The following RAI2 variants were observed in gnomAD, a reference collection of about 807,000 sequenced individuals.
RAI2 encodes the protein retinoic acid induced 2, also known as retinoic acid-induced protein 2.
Under a neutral mutation model 15.3 loss-of-function variants are expected in RAI2, and 5 were observed. The observed-to-expected ratio is 0.33, with a 90% confidence interval of 0.17 to 0.69. The LOEUF (loss-of-function observed/expected upper bound fraction) is 0.69. Ranked by LOEUF, RAI2 falls within the 30% of genes least tolerant of loss-of-function variation. The pLI is 0.69. For synonymous variants in RAI2, 191 were observed against 184.0 expected (o/e 1.04, Z -0.31); for missense variants, 424 against 424.7 (o/e 1.00, Z 0.01).
chrX:17,860,749 C>T lies in RAI2; in HGVS notation c.-25+349G>A, dbSNP rs758774441. 15 of 110,260 alleles carry T rather than the reference C, an allele frequency of 1.4e-4. No homozygotes were observed. In the East Asian group the frequency reaches 4.4e-3, roughly 32 times the overall value. 9.1% of individuals were successfully genotyped at this position (110,260 alleles called of 1,213,427 possible). On this transcript the variant is annotated intron_variant, in intron 1 of 1. Transcript: ENST00000451717. ...CGTGCACCGCCCTCTGCGCCCGATG[C>T]CAGTGCGGGCGGCGGCCCGAAACCC... is the stretch of plus-strand genomic sequence containing the variant.
At chrX:17,859,635 T>C (rs2067662148) in intron 1 of RAI2, among the ~76,000 whole-genome samples, 1 of 112,627 alleles carries the variant, frequency 8.9e-6, no homozygotes, top group Non-Finnish European at 1.9e-5. Flanking sequence ...CTCAGCAAAA[T>C]ATTTACACAT....
At chrX:17,823,223 C>CAA (rs1384605517) in intron 1 of RAI2, among the ~76,000 whole-genome samples, 3 of 111,787 alleles carry the variant, frequency 2.7e-5, no homozygotes. Flanking sequence ...TAGGTGAGTT[C>CAA]ACATGTGCAA....
Position 17,801,053 on chromosome X carries a change from A to T in RAI2, c.958T>A (p.Ser320Thr). The T allele has an allele frequency of 8.3e-7, 1 of 1,211,564 alleles. No homozygotes were observed. The highest frequency in any genetic ancestry group is 1.1e-6 in the Non-Finnish European group (1 of 895,407). The change falls in exon 2 of 2, where the codon TCC becomes ACC. Residue 320 changes from serine to threonine, a missense_variant. Transcript: ENST00000451717. ...MGSENEALDL[S>T]MKSVPWLKAG... ...TTGAGCCAGGGCACTGACTTCATGG[A>T]GAGATCCAGGGCCTCGTTCTCACTT... is the stretch of plus-strand genomic sequence containing the variant.
chrX:17,841,735 G>C (rs767015754), intron 1 of RAI2, among the ~76,000 whole-genome samples: 4 of 112,555 alleles, frequency 3.6e-5, no homozygotes, highest in African/African-American at 1.3e-4. Flanking sequence ...GGAGTCAGCT[G>C]TGTGAACACA....
At chrX:17,815,597 G>A (rs1447931864) in intron 1 of RAI2, among the ~76,000 whole-genome samples, 1 of 111,687 alleles carries the variant, frequency 9.0e-6, no homozygotes, top group Non-Finnish European at 1.9e-5. Flanking sequence ...GTGCAGGACA[G>A]AAGGAAAGGC....
At chrX:17,856,785 A>T (rs946284260) in intron 1 of RAI2, among the ~76,000 whole-genome samples, 2 of 111,985 alleles carry the variant, frequency 1.8e-5, no homozygotes, top group East Asian at 5.6e-4. Flanking sequence ...TCCAATAACA[A>T]TTCTGGGTTT....
intron 1 of RAI2, among the ~76,000 whole-genome samples, chrX:17,841,692 C>A (rs2067399803): frequency 8.9e-6 from 1 of 112,117 alleles, no homozygotes; most frequent in African/African-American, 3.2e-5. Context: ...GTTGAGGATA[C>A]CAAGATGCAA....
At chrX:17,842,722 G>A (rs1451726372) in intron 1 of RAI2, among the ~76,000 whole-genome samples, 1 of 110,033 alleles carries the variant, frequency 9.1e-6, no homozygotes, top group African/African-American at 3.3e-5. Context: ...TCTCTGGGTG[G>A]TAAGAATGCG....
intron 1 of RAI2, among the ~76,000 whole-genome samples, chrX:17,852,347 G>C (rs182907102): frequency 9.0e-6 from 1 of 111,697 alleles, no homozygotes; most frequent in African/African-American, 3.2e-5. Context: ...GTATGCAAGG[G>C]AATCCTACAC....
intron 1 of RAI2, among the ~76,000 whole-genome samples, chrX:17,836,654 C>G (rs2067338340): frequency 8.9e-6 from 1 of 112,315 alleles, no homozygotes; most frequent in African/African-American, 3.2e-5. Flanking sequence ...TTCTCCACAG[C>G]AAAGATATCT....
rs1482290637 is a variant in RAI2, at chrX:17,801,317, C to T, written c.694G>A (p.Val232Met). The T allele has an allele frequency of 8.5e-7, 1 of 1,170,891 alleles. No individual in the cohort carries two copies. Among genetic ancestry groups the T allele is most frequent in the South Asian group, 2.0e-5 (1 of 50,420 alleles). The change falls in exon 2 of 2, where the codon GTG becomes ATG. Residue 232 changes from valine (V) to methionine (M), a missense_variant. By Grantham distance (21) the Val-to-Met change is conservative (BLOSUM62 1). Transcript: ENST00000451717. ...SPLVPPATLL[V>M]PYPVIVPLPV... ...AAGGGGACGATTACAGGATACGGCA[C>T]CAAGAGGGTGGCTGGTGGGACCAGG...
intron 1 of RAI2, among the ~76,000 whole-genome samples, chrX:17,832,734 C>T (rs2067296580): frequency 1.8e-5 from 2 of 112,105 alleles, no homozygotes; most frequent in Admixed American, 9.4e-5. Context: ...CCCTGCCTGT[C>T]GGTTTCTAAA....
At chrX:17,818,509 T>TG (rs1406913500) in intron 1 of RAI2, among the ~76,000 whole-genome samples, 8 of 1,870 alleles carry the variant, frequency 4.3e-3, no homozygotes, top group South Asian at 0.024. Context: ...TAGAAATGTG[T>TG]GTTTTTTTTT....
intron 1 of RAI2, among the ~76,000 whole-genome samples, chrX:17,812,248 C>A (rs1186836927): frequency 2.7e-5 from 3 of 111,597 alleles, no homozygotes; most frequent in Non-Finnish European, 5.6e-5. Context: ...TCCCTTTGCA[C>A]CTGAATGGCT....
intron 1 of RAI2, among the ~76,000 whole-genome samples, chrX:17,854,762 G>C (rs899976116): frequency 3.6e-5 from 4 of 112,041 alleles, no homozygotes; most frequent in African/African-American, 1.3e-4. Context: ...GGCTGTTAAT[G>C]AATTATTTTT....
At chrX:17,820,457 G>T (rs1420603347) in intron 1 of RAI2, among the ~76,000 whole-genome samples, 1 of 111,815 alleles carries the variant, frequency 8.9e-6, no homozygotes, top group Non-Finnish European at 1.9e-5. Context: ...ACCCATAAAA[G>T]CTCCGACTGA....
intron 1 of RAI2, among the ~76,000 whole-genome samples, chrX:17,855,218 C>CT (rs2147286594): frequency 8.9e-6 from 1 of 111,916 alleles, no homozygotes; most frequent in African/African-American, 3.3e-5. Context: ...TGTGCATTCT[C>CT]TTTTTTATTT....
intron 1 of RAI2, among the ~76,000 whole-genome samples, chrX:17,847,054 T>C (rs778772005): frequency 8.9e-6 from 1 of 112,089 alleles, no homozygotes; most frequent in African/African-American, 3.2e-5. Flanking sequence ...TCTTCCACCA[T>C]GATTGTGAGG....
chrX:17,812,522 G>C (rs1267700488), intron 1 of RAI2, among the ~76,000 whole-genome samples: 4 of 111,790 alleles, frequency 3.6e-5, no homozygotes, highest in Non-Finnish European at 7.5e-5. Flanking sequence ...CTGAAAGCCT[G>C]GGGGAGAAAG....
Sources: allele counts gnomAD v4.1 joint callset (sites outside exome capture counted in the v4.1 genomes callset), GRCh38; gene constraint gnomAD v4.1.1; transcripts MANE v1.5; gene names NCBI Gene and HGNC (gene_info 2026-07-23, HGNC 2026-07-21).